The following COMMD1 variants were observed in gnomAD, a reference collection of about 807,000 sequenced individuals.
COMMD1 encodes copper metabolism domain containing 1, also known as COMM domain-containing protein 1.
In COMMD1, 10 loss-of-function variants were observed where a neutral mutation model predicts 17.2. The ratio of observed to expected loss-of-function variants is 0.58; its 90% CI spans 0.36 to 0.99. COMMD1 has a LOEUF of 0.99. COMMD1 is among the 50% of genes least tolerant of loss of function. The probability of loss-of-function intolerance (pLI) is 0.01; values close to 1 mark genes in which losing one functional copy is unlikely to be tolerated. For synonymous variants in COMMD1, 97 were observed against 91.6 expected (o/e 1.06, Z -0.34); for missense variants, 270 against 231.8 (o/e 1.17, Z -1.07).
intron 2 of COMMD1, among the ~76,000 whole-genome samples, chr2:62,083,488 G>C (rs769422216): frequency 2.0e-5 from 3 of 152,206 alleles, no homozygotes; most frequent in Non-Finnish European, 2.9e-5. Context: ...TTCTGATCTA[G>C]AATAGTCCTG....
At position 62,041,701 on chromosome 2, in the gene COMMD1, G is replaced by C. The variant is rs181061722; in HGVS notation, c.462+40719G>C. Among the ~76,000 whole-genome samples the C allele has an allele frequency of 5.9e-5, 9 of 152,310 alleles. No homozygotes were observed. The East Asian group carries it at 1.5e-3, about 26-fold the overall frequency. ...GGGTTCTTGGTCTCGCTGACTTCAA[G>C]AATGAAGCCGCGGACCCTCACGGGT... is the stretch of plus-strand genomic sequence containing the variant. On this transcript the variant is annotated intron_variant, in intron 2 of 2. Transcript: ENST00000311832.
intron 2 of COMMD1, among the ~76,000 whole-genome samples, chr2:62,132,133 C>T (rs1234359428): frequency 6.7e-6 from 1 of 149,370 alleles, no homozygotes; most frequent in Non-Finnish European, 1.5e-5. Flanking sequence ...CTGATCTGCC[C>T]GCCTTGGCTT....
intron 2 of COMMD1, among the ~76,000 whole-genome samples, chr2:62,134,590 C>T (rs928340689): frequency 6.6e-6 from 1 of 150,396 alleles, no homozygotes; most frequent in Non-Finnish European, 1.5e-5. Flanking sequence ...CCTCCCCCTA[C>T]CCCCATCTCT....
At chr2:62,100,431 C>G (rs1672145104) in intron 2 of COMMD1, 1 of 152,086 alleles carries the variant, frequency 6.6e-6, no homozygotes, top group African/African-American at 2.4e-5. Context: ...GAACATGTGC[C>G]CAAGGTGATC....
At chr2:61,961,253 C>A (rs895971657) in intron 1 of COMMD1, among the ~76,000 whole-genome samples, 1 of 152,228 alleles carries the variant, frequency 6.6e-6, no homozygotes, top group Non-Finnish European at 1.5e-5. Context: ...TAACCTGACA[C>A]ATCTACCCTG....
chr2:62,005,151 A>G (rs921559655), intron 2 of COMMD1, among the ~76,000 whole-genome samples: 1 of 152,222 alleles, frequency 6.6e-6, no homozygotes, highest in African/African-American at 2.4e-5. Context: ...TTATTCTTTA[A>G]AGCTGCCCAG....
chr2:62,123,253 C>T (rs1672795739), intron 2 of COMMD1, among the ~76,000 whole-genome samples: 1 of 152,064 alleles, frequency 6.6e-6, no homozygotes, highest in Admixed American at 6.5e-5. Flanking sequence ...CACCTGTAAT[C>T]CCAGCACTTT....
At chr2:62,064,439 G>T (rs1247059888) in intron 2 of COMMD1, among the ~76,000 whole-genome samples, 2 of 152,234 alleles carry the variant, frequency 1.3e-5, no homozygotes, top group Admixed American at 1.3e-4. Flanking sequence ...CTCCCAAAGT[G>T]CTGGGATTAT....
chr2:62,093,423 T>A (rs568814964), intron 2 of COMMD1, among the ~76,000 whole-genome samples: 9 of 152,294 alleles, frequency 5.9e-5, no homozygotes, highest in African/African-American at 2.2e-4. Context: ...AATGAGTCAT[T>A]TTGTGAATAA....
chr2:61,994,990 G>A (rs1668715937), intron 1 of COMMD1, among the ~76,000 whole-genome samples: 1 of 152,078 alleles, frequency 6.6e-6, no homozygotes, highest in Non-Finnish European at 1.5e-5. Flanking sequence ...CTTACCCTGG[G>A]GACTAAGTTA....
At chr2:62,019,423 C>A (rs1669552416) in intron 2 of COMMD1, among the ~76,000 whole-genome samples, 1 of 152,142 alleles carries the variant, frequency 6.6e-6, no homozygotes, top group East Asian at 1.9e-4. Context: ...GATTCACCTG[C>A]CTTGGCCTCC....
At chr2:61,935,878 G>A (rs1394214205) in intron 1 of COMMD1, among the ~76,000 whole-genome samples, 3 of 151,850 alleles carry the variant, frequency 2.0e-5, no homozygotes, top group African/African-American at 4.8e-5. Flanking sequence ...GTGCAGTGGA[G>A]CTATCTCAGC....
chr2:61,938,385 C>T (rs1169754045), intron 1 of COMMD1, among the ~76,000 whole-genome samples: 5 of 151,910 alleles, frequency 3.3e-5, no homozygotes, highest in East Asian at 1.9e-4. Flanking sequence ...AAATACATTG[C>T]GTGTGTTCAG....
intron 2 of COMMD1, among the ~76,000 whole-genome samples, chr2:62,006,716 A>G (rs1669132729): frequency 6.6e-6 from 1 of 152,232 alleles, no homozygotes; most frequent in Non-Finnish European, 1.5e-5. Context: ...GATCTGAGCC[A>G]TGAGGACTGT....
chr2:62,096,666 C>T (rs1170229448), intron 2 of COMMD1, among the ~76,000 whole-genome samples: 1 of 152,148 alleles, frequency 6.6e-6, no homozygotes, highest in Non-Finnish European at 1.5e-5. Context: ...TAGTTTTGGG[C>T]AGGGGAAAGG....
intron 1 of COMMD1, among the ~76,000 whole-genome samples, chr2:61,935,595 A>G (rs545039961): frequency 6.6e-6 from 1 of 152,024 alleles, no homozygotes; most frequent in Admixed American, 6.6e-5. Flanking sequence ...TCACACTGCT[A>G]CACTTCAGCC....
chr2:62,007,974 G>C (rs1305091943), intron 2 of COMMD1, among the ~76,000 whole-genome samples: 1 of 152,124 alleles, frequency 6.6e-6, no homozygotes, highest in Non-Finnish European at 1.5e-5. Flanking sequence ...TTGAGCCCAG[G>C]TGTTTGAGAC....
intron 1 of COMMD1, chr2:61,968,950 T>C: frequency 3.3e-6 from 1 of 307,104 alleles, no homozygotes; most frequent in Non-Finnish European, 6.7e-6. Flanking sequence ...TTAGTCTTTT[T>C]TTTTTTTTTT....
chr2:61,949,453 A>G (rs920890853), intron 1 of COMMD1, among the ~76,000 whole-genome samples: 3 of 152,258 alleles, frequency 2.0e-5, no homozygotes, highest in Non-Finnish European at 2.9e-5. Context: ...GAGCACAGTC[A>G]TTCAAAATGT....
Sources: allele counts gnomAD v4.1 joint callset (sites outside exome capture counted in the v4.1 genomes callset), GRCh38; gene constraint gnomAD v4.1.1; transcripts MANE v1.5; gene names NCBI Gene and HGNC (gene_info 2026-07-23, HGNC 2026-07-21).